RMDN2: variants seen among roughly 807,000 people sequenced by gnomAD.
RMDN2 encodes the protein regulator of microtubule dynamics 2.
Under a neutral mutation model 52.8 loss-of-function variants are expected in RMDN2, and 61 were observed. That is an observed-to-expected ratio of 1.16 (90% CI 0.94 to 1.43). The LOEUF is 1.43. RMDN2 is among the 40% of genes most tolerant of loss of function. RMDN2 has a pLI of 0.00. For synonymous variants in RMDN2, 180 were observed against 153.1 expected, an observed-to-expected ratio of 1.18 and a Z score of -1.30; for missense variants, 592 against 475.3, an observed-to-expected ratio of 1.25 and a Z score of -2.28.
chr2:38,013,473 T>A (rs1678290716), intron 10 of RMDN2, among the ~76,000 whole-genome samples: 1 of 152,220 alleles, frequency 6.6e-6, no homozygotes, highest in Non-Finnish European at 1.5e-5. Context: ...GTGCTAAAAG[T>A]TAAGAGCACG....
intron 10 of RMDN2, among the ~76,000 whole-genome samples, chr2:38,024,684 A>C (rs1573157693): frequency 6.6e-6 from 1 of 152,138 alleles, no homozygotes; most frequent in East Asian, 1.9e-4. Context: ...GTTATAAGTT[A>C]TTTGGATATC....
intron 4 of RMDN2, 45 bp downstream of exon 4, chr2:37,975,359 A>G (rs2044447): frequency 0.28 from 307,956 of 1,099,792 alleles, 47,848 homozygotes; most frequent in East Asian, 0.61. Context: ...ATTAAGATCT[A>G]TAGTAAATCA....
intron 7 of RMDN2, among the ~76,000 whole-genome samples, chr2:37,994,281 G>C (rs191364236): frequency 1.2e-4 from 19 of 152,122 alleles, no homozygotes; most frequent in African/African-American, 4.6e-4. Context: ...AATTGGCATC[G>C]GATAGATGAG....
intron 2 of RMDN2, among the ~76,000 whole-genome samples, chr2:37,967,436 A>G (rs2072400720): frequency 6.6e-6 from 1 of 152,220 alleles, no homozygotes; most frequent in Non-Finnish European, 1.5e-5. Context: ...AAGACAAAGT[A>G]CAATCAAAGC....
At chr2:37,990,808 A>C (rs1327693058) in intron 6 of RMDN2, among the ~76,000 whole-genome samples, 2 of 152,122 alleles carry the variant, frequency 1.3e-5, no homozygotes, top group African/African-American at 4.8e-5. Context: ...TAACCATTTG[A>C]TAATGCCAGA....
Position 37,980,100 on chromosome 2 carries a change from A to T in RMDN2, c.731-1183A>T, listed in dbSNP as rs867498300. Among the ~76,000 whole-genome samples, 7 of 152,270 alleles carry T rather than the reference A, an allele frequency of 4.6e-5. No individual in the cohort carries two copies. The East Asian group carries it at 1.3e-3, about 29-fold the overall frequency. On this transcript the variant is annotated intron_variant, in intron 4 of 10. Transcript: ENST00000354545. ...GAATAAAATATTTTTATTTATAAAG[A>T]TTATCTCAACCACTTATTTAGAAAA...
chr2:38,004,719 G>A (rs905047318), intron 10 of RMDN2, among the ~76,000 whole-genome samples: 13 of 150,494 alleles, frequency 8.6e-5, no homozygotes, highest in Admixed American at 1.3e-4. Flanking sequence ...TATACTTTAA[G>A]TTTTAGGGTA....
At chr2:37,942,014 A>G (rs921309612) in intron 2 of RMDN2, among the ~76,000 whole-genome samples, 3 of 150,720 alleles carry the variant, frequency 2.0e-5, no homozygotes, top group African/African-American at 7.3e-5. Flanking sequence ...TGTGCTTGAA[A>G]CCCTGGGCCC....
At chr2:37,973,998 C>A in intron 2 of RMDN2, 42 bp from the exon 3 acceptor site, 1 of 1,491,928 alleles carries the variant, frequency 6.7e-7, no homozygotes, top group Non-Finnish European at 9.2e-7. Context: ...GGCTATTATA[C>A]TTAACTTTCA....
chr2:37,994,608 A>G (rs1675259884), intron 7 of RMDN2, among the ~76,000 whole-genome samples: 1 of 152,244 alleles, frequency 6.6e-6, no homozygotes, highest in Non-Finnish European at 1.5e-5. Flanking sequence ...GATCATCAGT[A>G]GTCATTAGAA....
chr2:37,950,425 T>C, intron 2 of RMDN2: 1 of 1,607,160 alleles, frequency 6.2e-7, no homozygotes, highest in East Asian at 2.2e-5. Context: ...TTCTAGAGTC[T>C]GCTGTCATCA....
At chr2:38,016,836 G>GA (rs1412192239) in intron 10 of RMDN2, among the ~76,000 whole-genome samples, 3 of 152,038 alleles carry the variant, frequency 2.0e-5, no homozygotes, top group South Asian at 4.2e-4. Flanking sequence ...AACCTGTTGG[G>GA]AAAATACTAG....
At chr2:38,041,276 C>G (rs1680932481) in intron 10 of RMDN2, among the ~76,000 whole-genome samples, 1 of 152,208 alleles carries the variant, frequency 6.6e-6, no homozygotes, top group South Asian at 2.1e-4. Context: ...TCTCCTACTA[C>G]TTCTTAGCAT....
chr2:37,995,860 G>T (rs1675463274), intron 7 of RMDN2, among the ~76,000 whole-genome samples: 1 of 152,174 alleles, frequency 6.6e-6, no homozygotes, highest in African/African-American at 2.4e-5. Flanking sequence ...ACCCCAAGTA[G>T]ATGCCATTTT....
At chr2:38,023,769 G>A (rs774070736) in intron 10 of RMDN2, among the ~76,000 whole-genome samples, 28 of 152,162 alleles carry the variant, frequency 1.8e-4, no homozygotes, top group Admixed American at 7.9e-4. Context: ...ATAAGGTTGG[G>A]TTTTAAAAAA....
chr2:37,959,266 T>C lies in RMDN2; in HGVS notation c.453-14774T>C, dbSNP rs550371798. Among the ~76,000 whole-genome samples the C allele has an allele frequency of 7.4e-4, 112 of 151,140 alleles. 1 individual carries two copies. The highest frequency in any genetic ancestry group is 1.2e-3 in the Non-Finnish European group (83 of 68,030). Reference sequence around the variant, plus strand: ...TTGTACCTCTGGTAGAATTCAGCTGTGAATCCATCTGGACCTGGGCTTTTT... The same window carrying C: ...TTGTACCTCTGGTAGAATTCAGCTGCGAATCCATCTGGACCTGGGCTTTTT... On this transcript the variant is annotated intron_variant, in intron 2 of 10. Coordinates refer to ENST00000354545, the MANE Select transcript of RMDN2 (RefSeq NM_001170791.3).
At chr2:38,025,418 T>C (rs958515265) in intron 10 of RMDN2, among the ~76,000 whole-genome samples, 5 of 152,138 alleles carry the variant, frequency 3.3e-5, no homozygotes, top group Admixed American at 3.3e-4. Context: ...ATTATATCAG[T>C]TGTGTATAAA....
At chr2:37,961,649 C>T (rs533885566) in intron 2 of RMDN2, among the ~76,000 whole-genome samples, 2 of 152,050 alleles carry the variant, frequency 1.3e-5, no homozygotes, top group South Asian at 2.1e-4. Flanking sequence ...TCCTTTAGCT[C>T]GGAGAAGTTT....
At position 38,004,230 on chromosome 2, in the gene RMDN2, G is replaced by C. The variant is rs768155862; in HGVS notation, c.1179+14G>C. On this transcript the variant is annotated intron_variant, in intron 10 of 10. Transcript: ENST00000354545. The stretch of plus-strand genomic sequence containing the variant: ...GTTACCAAAGAGGTAAGTCCAGAAA[G>C]TGACAGTGAGTGCTGTTGTCTTGTT... The C allele has an allele frequency of 6.4e-7, 1 of 1,563,974 alleles. No individual in the cohort carries two copies. Among genetic ancestry groups the C allele is most frequent in the Non-Finnish European group, 8.8e-7 (1 of 1,134,532 alleles).
Sources: allele counts gnomAD v4.1 joint callset (sites outside exome capture counted in the v4.1 genomes callset), GRCh38; gene constraint gnomAD v4.1.1; transcripts MANE v1.5; gene names NCBI Gene and HGNC (gene_info 2026-07-23, HGNC 2026-07-21).